CYFIP2: variants seen among roughly 807,000 people sequenced by gnomAD.
CYFIP2 encodes the protein cytoplasmic FMR1 interacting protein 2.
A neutral mutation model predicts 158.7 loss-of-function variants in CYFIP2; 29 were observed. The observed-to-expected ratio is 0.18, with a 90% CI of 0.14 to 0.25. The LOEUF (loss-of-function observed/expected upper bound fraction) is 0.25, where lower values mean the gene tolerates loss of function less well. Ranked by LOEUF, CYFIP2 falls within the 10% of genes least tolerant of loss-of-function variation. The pLI is 1.00. For synonymous variants in CYFIP2, 585 were observed against 617.6 expected (o/e 0.95, Z 0.78); for missense variants, 852 against 1,639.5 (o/e 0.52, Z 8.29).
chr5:157,305,669 C>G (rs1285520703), intron 8 of CYFIP2, among the ~76,000 whole-genome samples: 1 of 152,186 alleles, frequency 6.6e-6, no homozygotes, highest in Admixed American at 6.5e-5. Context: ...TGCCACCACA[C>G]TCAGCTATTT....
At chr5:157,316,353 A>T (rs1370905890) in intron 13 of CYFIP2, among the ~76,000 whole-genome samples, 2 of 152,246 alleles carry the variant, frequency 1.3e-5, no homozygotes, top group African/African-American at 4.8e-5. Flanking sequence ...AGACATTTAG[A>T]CCAAAAACAG....
intron 21 of CYFIP2, among the ~76,000 whole-genome samples, chr5:157,334,660 C>T (rs1306340257): frequency 2.0e-5 from 3 of 151,648 alleles, no homozygotes; most frequent in African/African-American, 7.3e-5. Context: ...GAGAAAATAT[C>T]AGATGAACCC....
chr5:157,387,674 ATTTT>A (rs3052309), intron 28 of CYFIP2, among the ~76,000 whole-genome samples: 1 of 146,068 alleles, frequency 6.8e-6, no homozygotes, highest in South Asian at 2.2e-4. Context: ...CAGGCTCAGG[ATTTT>A]TTTTTTTTTT....
intron 3 of CYFIP2, among the ~76,000 whole-genome samples, chr5:157,292,768 A>G (rs918734568): frequency 6.6e-6 from 1 of 152,198 alleles, no homozygotes; most frequent in African/African-American, 2.4e-5. Context: ...CACATACCCA[A>G]GAATTACTGG....
At chr5:157,294,392 A>G (rs1758081349) in intron 3 of CYFIP2, among the ~76,000 whole-genome samples, 1 of 152,188 alleles carries the variant, frequency 6.6e-6, no homozygotes, top group Admixed American at 6.5e-5. Context: ...ATACTTTCAT[A>G]ACTATTTCTG....
rs1193289827 is a variant in CYFIP2, at chr5:157,359,014, A to G, written c.2683A>G (p.Ile895Val). The change falls in exon 24 of 31, where the codon ATT (isoleucine) becomes GTT (valine). Residue 895 changes from isoleucine to valine, a missense_variant. By Grantham distance (29) the Ile-to-Val change is conservative. Transcript: ENST00000620254. ...TACCTCTGTTTTCCAGCCTCTCAAC[A>G]TTGCCTACAGCCACATCTACAGCTC... ...YYLYGSKPLNIAYSHIYSSYR... is the reference protein window; with the variant it reads ...YYLYGSKPLNVAYSHIYSSYR... 1.9e-6 allele frequency: 3 copies of G among 1,613,900 alleles called. No individual in the cohort carries two copies. Among genetic ancestry groups the G allele is most frequent in the Non-Finnish European group, 1.7e-6 (2 of 1,179,858 alleles).
chr5:157,327,945 G>A, intron 18 of CYFIP2, 28 bp from the exon 19 acceptor site: 1 of 1,610,902 alleles, frequency 6.2e-7, no homozygotes, highest in Non-Finnish European at 8.5e-7. Context: ...ACGGGCACCA[G>A]TGATGTTTCC....
At chr5:157,351,581 G>A (rs1581123002) in intron 23 of CYFIP2, among the ~76,000 whole-genome samples, 2 of 152,244 alleles carry the variant, frequency 1.3e-5, no homozygotes, top group Middle Eastern at 6.8e-3. Context: ...GGGAGAGACT[G>A]AAGCTCAGCG....
chr5:157,342,705 G>A (rs757399620), intron 23 of CYFIP2: 105 of 703,736 alleles, frequency 1.5e-4, no homozygotes, highest in Non-Finnish European at 2.1e-4. Context: ...TCCAGCTTGA[G>A]AAGCTTTGTC....
At chr5:157,326,305 G>T (rs1761016339) in intron 18 of CYFIP2, 38 bp downstream of exon 18, 2 of 1,558,350 alleles carry the variant, frequency 1.3e-6, no homozygotes, top group Non-Finnish European at 1.8e-6. Flanking sequence ...CTTTAATCTT[G>T]TTCCAAATTC....
At chr5:157,358,310 G>C (rs1408588548) in intron 23 of CYFIP2, among the ~76,000 whole-genome samples, 6 of 152,182 alleles carry the variant, frequency 3.9e-5, no homozygotes, top group African/African-American at 1.4e-4. Flanking sequence ...CAGGTCTGTG[G>C]GTCCCCAGCC....
chr5:157,291,067 T>G (rs577427961), intron 3 of CYFIP2, among the ~76,000 whole-genome samples: 2 of 152,154 alleles, frequency 1.3e-5, no homozygotes, highest in Admixed American at 1.3e-4. Flanking sequence ...ACCTTAGAGA[T>G]CCTTAGTCCT....
intron 9 of CYFIP2, 63 bp from the exon 10 acceptor site, chr5:157,309,680 A>G: frequency 7.0e-7 from 1 of 1,424,776 alleles, no homozygotes; most frequent in South Asian, 1.2e-5. Context: ...GTGGGGTGGC[A>G]GCGAAGGCAG....
chr5:157,311,202 AGGCAC>A lies in CYFIP2; in HGVS notation c.993-461_993-457del. The A allele has an allele frequency of 2.4e-6, 1 of 413,844 alleles. No individual in the cohort carries two copies. Among genetic ancestry groups the A allele is most frequent in the South Asian group, 1.7e-5 (1 of 58,272 alleles). 25.6% of individuals were successfully genotyped at this position (413,844 alleles called of 1,614,324 possible). On this transcript the variant is annotated intron_variant, in intron 10 of 30. Coordinates refer to ENST00000620254, the MANE Select transcript of CYFIP2 (RefSeq NM_001037333.3). The surrounding 1 kb of genome is among the most constrained non-coding windows in gnomAD (Gnocchi z 4.7). ...TGTTGCCAGGGCACTGTTGGAAAAG[AGGCAC>A]AGTCACATTCATATTTCCGCAATCC...
intron 3 of CYFIP2, 56 bp from the exon 4 acceptor site, chr5:157,294,727 G>T: frequency 6.6e-7 from 1 of 1,506,102 alleles, no homozygotes; most frequent in Middle Eastern, 1.8e-4. Context: ...GGGGGCTTTT[G>T]CAGCCTGGTG....
intron 7 of CYFIP2, among the ~76,000 whole-genome samples, 190 bp from the exon 8 acceptor site, chr5:157,304,048 G>A (rs1453390499): frequency 6.6e-6 from 1 of 152,206 alleles, no homozygotes; most frequent in East Asian, 1.9e-4. Flanking sequence ...GTGTGCAGGA[G>A]TACTGTGGGG....
At chr5:157,343,353 C>G in intron 23 of CYFIP2, 1 of 1,614,178 alleles carries the variant, frequency 6.2e-7, no homozygotes. Flanking sequence ...TGTTCCAGCA[C>G]CACGGAGCTG....
chr5:157,334,079 C>T (rs1349042197), intron 21 of CYFIP2, among the ~76,000 whole-genome samples: 1 of 152,158 alleles, frequency 6.6e-6, no homozygotes, highest in African/African-American at 2.4e-5. Flanking sequence ...AGCGAATGAA[C>T]AGAAGGAGTG....
intron 21 of CYFIP2, 111 bp from the exon 22 acceptor site, chr5:157,338,946 G>A (rs1762052312): frequency 9.4e-7 from 1 of 1,063,824 alleles, no homozygotes; most frequent in South Asian, 1.6e-5. Context: ...AGATGGCCAG[G>A]AGGTTGTCTG....
Sources: allele counts gnomAD v4.1 joint callset (sites outside exome capture counted in the v4.1 genomes callset), GRCh38; gene constraint gnomAD v4.1.1; non-coding constraint Gnocchi (gnomAD v3.1); transcripts MANE v1.5; gene names NCBI Gene and HGNC (gene_info 2026-07-23, HGNC 2026-07-21).